Variants in PKD1L1 observed in about 807,000 individuals in gnomAD.
PKD1L1 encodes the protein polycystin 1 like 1, transient receptor potential channel interacting, also known as polycystin-1-like protein 1.
PKD1L1 carries 236 observed loss-of-function variants against 323.4 expected under a neutral mutation model. The observed-to-expected ratio is 0.73, with a 90% confidence interval of 0.66 to 0.81. PKD1L1 has a LOEUF of 0.81. Ranked by LOEUF, PKD1L1 falls within the 40% of genes least tolerant of loss-of-function variation. PKD1L1 has a pLI of 0.00. For synonymous variants in PKD1L1, 1,344 were observed against 1,335.0 expected (o/e 1.01, Z -0.15); for missense variants, 3,320 against 3,508.0 (o/e 0.95, Z 1.35).
intron 15 of PKD1L1, 66 bp downstream of exon 15, chr7:47,893,812 A>G: frequency 2.0e-6 from 3 of 1,510,932 alleles, no homozygotes; most frequent in African/African-American, 1.4e-5. Flanking sequence ...CCAACGTTCC[A>G]GAGCCTGCAT....
intron 56 of PKD1L1, among the ~76,000 whole-genome samples, chr7:47,785,284 T>C (rs369651761): frequency 2.6e-5 from 4 of 152,278 alleles, no homozygotes; most frequent in South Asian, 4.2e-4. Context: ...GTCCATAATT[T>C]TGAGATTTGT....
intron 27 of PKD1L1, among the ~76,000 whole-genome samples, chr7:47,858,318 T>C (rs1233976213): frequency 6.6e-6 from 1 of 152,186 alleles, no homozygotes; most frequent in Admixed American, 6.5e-5. Context: ...CTTTTAAAAT[T>C]GCTGCATGCA....
rs758180594 is a variant in PKD1L1 at position 47,936,919 on chromosome 7, C to A, written c.325G>T (p.Val109Phe). The A allele has an allele frequency of 6.2e-7, 1 of 1,613,590 alleles. No homozygotes were observed. The highest frequency in any genetic ancestry group is 2.2e-5 in the East Asian group (1 of 44,894). ...ACAACAGCCTGTGTTTTTTCATTAA[C>A]AACACTTAACGCTGCTTCACTAGTT... is the stretch of plus-strand genomic sequence containing the variant. The part of the protein sequence containing the change: ...KTTSEAALSV[V>F]NEKTQAVVNE... Residue 109 changes from valine (V) to phenylalanine (F), a missense_variant, in exon 4 of 57, where the codon GTT becomes TTT. Transcript: ENST00000289672.
rs200164182 is a variant in PKD1L1, at chr7:47,902,371, G to A, written c.2064+8C>T. 5.6e-6 allele frequency: 9 copies of A among 1,613,454 alleles called. No individual in the cohort carries two copies. The East Asian group carries it at 1.3e-4, about 24-fold the overall frequency. On this transcript the variant is annotated splice_region_variant and intron_variant, in intron 13 of 56. Coordinates refer to ENST00000289672, the MANE Select transcript of PKD1L1 (RefSeq NM_138295.5). ...GCTGGTGGAGGATTTCCCAGACTCC[G>A]AGCCTACCTGGACTTTCCCAGGCCC...
chr7:47,781,805 T>C (rs1786704193), intron 56 of PKD1L1, among the ~76,000 whole-genome samples: 2 of 152,200 alleles, frequency 1.3e-5, no homozygotes, highest in South Asian at 4.1e-4. Context: ...CATAAAACAT[T>C]GTTCATGATC....
Position 47,811,977 on chromosome 7 carries a change from A to T in PKD1L1, c.7421T>A (p.Val2474Glu). 4 of 1,597,672 alleles carry T rather than the reference A, an allele frequency of 2.5e-6. No homozygotes were observed. Among genetic ancestry groups the T allele is most frequent in the Non-Finnish European group, 3.4e-6 (4 of 1,172,176 alleles). Reference sequence around the variant, plus strand: ...TGGAGGGTTATAGAGAGTGAAGTGCACAGACACAGCCCTGGTGCTGCGGTC... The same window carrying T: ...TGGAGGGTTATAGAGAGTGAAGTGCTCAGACACAGCCCTGGTGCTGCGGTC... ...WIDRSTRAVS[V>E]HFTLYNPPTQ... The change falls in exon 50 of 57, where the codon GTG (valine) becomes GAG (glutamate). Residue 2474 changes from valine (V) to glutamate (E), a missense_variant. Val to Glu is a moderately radical substitution (Grantham distance 121). Transcript: ENST00000289672.
chr7:47,944,569 C>T lies in PKD1L1; in HGVS notation c.45-1058G>A, dbSNP rs117186783. On this transcript the variant is annotated intron_variant, in intron 1 of 56. Transcript: ENST00000289672. ...GTTTAAACCTGGTTCTCAGCACACC[C>T]AAAGCCGATGCCAATTCTATGGCAC... Among the ~76,000 whole-genome samples the T allele has an allele frequency of 3.0e-3, 455 of 152,348 alleles. 1 individual carries two copies. The highest frequency in any genetic ancestry group is 0.014 in the Middle Eastern group (4 of 294).
intron 2 of PKD1L1, among the ~76,000 whole-genome samples, chr7:47,943,166 ATATATATATATATAT>A (rs1788030926): frequency 6.1e-5 from 2 of 32,894 alleles, no homozygotes; most frequent in African/African-American, 1.5e-4. Flanking sequence ...AAAAAAAAAT[ATATATATATATATAT>A]ATATATATAT....
Position 47,843,191 on chromosome 7 carries a change from T to A in PKD1L1, c.5238-22A>T, listed in dbSNP as rs1290120185. On this transcript the variant is annotated intron_variant, in intron 33 of 56. Transcript: ENST00000289672. Reference sequence around the variant, plus strand: ...GTGGCTATAAACAAAAGGAGAGATATAAAGAAAATTGCTCATGAAAATAGA... The same window carrying A: ...GTGGCTATAAACAAAAGGAGAGATAAAAAGAAAATTGCTCATGAAAATAGA... 4 of 1,562,800 alleles carry A rather than the reference T, an allele frequency of 2.6e-6. No homozygotes were observed. The Admixed American group carries it at 7.2e-5, about 28-fold the overall frequency.
chr7:47,793,558 G>A (rs1056619816), intron 55 of PKD1L1, among the ~76,000 whole-genome samples: 2 of 152,180 alleles, frequency 1.3e-5, no homozygotes, highest in African/African-American at 4.8e-5. Context: ...ATGTGGAACT[G>A]TAAGTCCAAT....
intron 50 of PKD1L1, among the ~76,000 whole-genome samples, chr7:47,811,154 CTTT>C (rs11412484): frequency 2.5e-5 from 3 of 121,214 alleles, no homozygotes; most frequent in African/African-American, 3.3e-5. Context: ...ATGTCTCCTT[CTTT>C]TTTTTTTTTT....
At position 47,943,499 on chromosome 7, in the gene PKD1L1, A is replaced by C; in HGVS notation, c.57T>G (p.Ala19=). The change falls in exon 2 of 57, where the codon GCT becomes GCG. Residue 19 remains alanine (A), a synonymous_variant. Coordinates refer to ENST00000289672, the MANE Select transcript of PKD1L1 (RefSeq NM_138295.5). ...CACCACCAAAGGAAAGGCAGCAGGC[A>C]GCCTGGAGACACCTAAGGGAAAGAA... ...ISDDQERCLQ[A]ACCLSFGGEL... The C allele has an allele frequency of 6.2e-7, 1 of 1,612,870 alleles. No individual in the cohort carries two copies. Among genetic ancestry groups the C allele is most frequent in the Non-Finnish European group, 8.5e-7 (1 of 1,179,130 alleles).
chr7:47,820,035 A>AATC (rs1437034502), intron 46 of PKD1L1, among the ~76,000 whole-genome samples: 1 of 152,206 alleles, frequency 6.6e-6, no homozygotes, highest in Non-Finnish European at 1.5e-5. Flanking sequence ...CCAGCATTGA[A>AATC]ATCATAGCAA....
chr7:47,885,054 C>T (rs78655135), intron 18 of PKD1L1, among the ~76,000 whole-genome samples: 6,983 of 152,230 alleles, frequency 0.046, 384 homozygotes, highest in African/African-American at 0.14. Flanking sequence ...GAAATGGACA[C>T]AAGAATGCCC....
At chr7:47,885,597 C>A in intron 18 of PKD1L1, 89 bp downstream of exon 18, 1 of 1,501,984 alleles carries the variant, frequency 6.7e-7, no homozygotes. Context: ...TTGATGTGAT[C>A]TCACACCTTA....
the PKD1L1 span, among the ~76,000 whole-genome samples, chr7:47,957,649 C>G: frequency 6.6e-6 from 1 of 152,016 alleles, no homozygotes; most frequent in Non-Finnish European, 1.5e-5. Flanking sequence ...GTTGGGACCA[C>G]CACACCTGGC....
Position 47,809,363 on chromosome 7 carries a change from A to G in PKD1L1, c.7686+110T>C, listed in dbSNP as rs185221607. 1,126 of 783,798 alleles carry G rather than the reference A, an allele frequency of 1.4e-3. 12 individuals carry two copies. The highest frequency in any genetic ancestry group is 4.6e-3 in the Middle Eastern group (13 of 2,848). The allele number at this position is 783,798 out of a possible 1,614,324, so 48.6% of individuals were successfully genotyped here. Reference sequence around the variant, plus strand: ...AACACTACAGAGGGAGAAAACTGCAATAATGTTGGCAGTAGCTAGTGCATA... The same window carrying G: ...AACACTACAGAGGGAGAAAACTGCAGTAATGTTGGCAGTAGCTAGTGCATA... On this transcript the variant is annotated intron_variant, in intron 51 of 56. Transcript: ENST00000289672.
intron 2 of PKD1L1, among the ~76,000 whole-genome samples, chr7:47,940,719 C>A (rs1284439156): frequency 6.6e-6 from 1 of 152,170 alleles, no homozygotes; most frequent in Non-Finnish European, 1.5e-5. Context: ...AACAGGAAGA[C>A]CATTAAAGAC....
At chr7:47,959,784 G>A in the PKD1L1 span, among the ~76,000 whole-genome samples, 1 of 145,286 alleles carries the variant, frequency 6.9e-6, no homozygotes, top group Non-Finnish European at 1.5e-5. Context: ...CGCCCCGTCC[G>A]GGAGGTGAGG....
Sources: allele counts gnomAD v4.1 joint callset (sites outside exome capture counted in the v4.1 genomes callset), GRCh38; gene constraint gnomAD v4.1.1; transcripts MANE v1.5; gene names NCBI Gene and HGNC (gene_info 2026-07-23, HGNC 2026-07-21).